COL26A1: variants seen among roughly 807,000 people sequenced by gnomAD.
The protein encoded by COL26A1 is collagen alpha-1(XXVI) chain.
A neutral mutation model predicts 59.3 loss-of-function variants in COL26A1; 41 were observed. The ratio of observed to expected loss-of-function variants is 0.69; its 90% CI spans 0.54 to 0.90. The LOEUF (loss-of-function observed/expected upper bound fraction) is 0.90, where lower values mean the gene tolerates loss of function less well. Ranked by LOEUF, COL26A1 falls within the 40% of genes least tolerant of loss-of-function variation. The probability of loss-of-function intolerance (pLI) is 0.00; values close to 1 mark genes in which losing one functional copy is unlikely to be tolerated. For synonymous variants in COL26A1, 266 were observed against 256.0 expected, an observed-to-expected ratio of 1.04 and a Z score of -0.37; for missense variants, 612 against 602.3, an observed-to-expected ratio of 1.02 and a Z score of -0.17.
intron 3 of COL26A1, among the ~76,000 whole-genome samples, chr7:101,476,912 C>T (rs1358506990): frequency 2.0e-5 from 3 of 150,702 alleles, no homozygotes; most frequent in Admixed American, 6.6e-5. Context: ...GGCACGATCT[C>T]GGCTCACTAC....
chr7:101,535,703 C>G (rs748443851), intron 4 of COL26A1, among the ~76,000 whole-genome samples: 1 of 152,244 alleles, frequency 6.6e-6, no homozygotes, highest in Non-Finnish European at 1.5e-5. Flanking sequence ...AAGATTCCCA[C>G]CCTTCCTCCA....
At chr7:101,540,896 C>T (rs970955919) in intron 5 of COL26A1, among the ~76,000 whole-genome samples, 32 of 152,244 alleles carry the variant, frequency 2.1e-4, no homozygotes, top group African/African-American at 7.2e-4. Context: ...AATCCCAGCA[C>T]TTTGGAAGGC....
At chr7:101,426,686 A>G (rs952435032) in intron 2 of COL26A1, among the ~76,000 whole-genome samples, 7 of 152,150 alleles carry the variant, frequency 4.6e-5, no homozygotes, top group Non-Finnish European at 8.8e-5. Flanking sequence ...GGCTGCCTCA[A>G]GAGGTTCTTG....
chr7:101,548,308 G>A (rs1795783946), intron 8 of COL26A1, among the ~76,000 whole-genome samples: 1 of 152,148 alleles, frequency 6.6e-6, no homozygotes, highest in Non-Finnish European at 1.5e-5. Flanking sequence ...GGCCCGTGTG[G>A]GGTCATGAGA....
At chr7:101,472,758 G>A (rs1558007) in intron 3 of COL26A1, among the ~76,000 whole-genome samples, 1 of 151,970 alleles carries the variant, frequency 6.6e-6, no homozygotes, top group African/African-American at 2.4e-5. Context: ...CATAAACACC[G>A]CAATCTGTGG....
At chr7:101,450,541 C>G (rs1409224800) in intron 3 of COL26A1, among the ~76,000 whole-genome samples, 1 of 151,960 alleles carries the variant, frequency 6.6e-6, no homozygotes. Flanking sequence ...CTGGACATTC[C>G]AAGGGCTTCC....
intron 1 of COL26A1, among the ~76,000 whole-genome samples, chr7:101,412,808 G>A (rs528458349): frequency 1.3e-5 from 2 of 152,234 alleles, no homozygotes; most frequent in African/African-American, 4.8e-5. Flanking sequence ...AACACCACTG[G>A]CTTGTCCTTG....
At position 101,557,370 on chromosome 7, in the gene COL26A1, A is replaced by T. The variant is rs373219036; in HGVS notation, c.1166A>T (p.Asp389Val). Reference protein sequence around the residue: ...LILEHMIGIHDPLASPEGGSG... With the variant: ...LILEHMIGIHVPLASPEGGSG... ...GTCCACCCTCCTGCTCTCCTTCCAGATCCCCTGGCCTCCCCAGAGGGAGGT... is the reference window on the plus strand; with the variant it reads ...GTCCACCCTCCTGCTCTCCTTCCAGTTCCCCTGGCCTCCCCAGAGGGAGGT... Residue 389 changes from aspartate to valine, a missense_variant and splice_region_variant, in exon 13 of 13, where the codon GAT becomes GTT. Coordinates refer to ENST00000313669, the MANE Select transcript of COL26A1 (RefSeq NM_001278563.3). 3.7e-6 allele frequency: 6 copies of T among 1,611,632 alleles called. No homozygotes were observed. The highest frequency in any genetic ancestry group is 1.7e-4 in the Middle Eastern group (1 of 6,048).
chr7:101,451,594 A>G (rs1161264578), intron 3 of COL26A1, among the ~76,000 whole-genome samples: 1 of 150,632 alleles, frequency 6.6e-6, no homozygotes, highest in African/African-American at 2.4e-5. Context: ...TATATAATTT[A>G]TATATGTATA....
intron 3 of COL26A1, among the ~76,000 whole-genome samples, chr7:101,510,942 C>G (rs1371152751): frequency 3.4e-5 from 5 of 146,430 alleles, no homozygotes; most frequent in Admixed American, 7.0e-5. Context: ...GCTCTGTCGC[C>G]CAGGCTGGAG....
chr7:101,525,712 G>A (rs533046707), intron 3 of COL26A1, among the ~76,000 whole-genome samples: 18 of 151,998 alleles, frequency 1.2e-4, no homozygotes, highest in Admixed American at 5.3e-4. Context: ...TAGCCAGGAT[G>A]GTCTCGATCT....
chr7:101,406,677 G>A (rs964242740), intron 1 of COL26A1, among the ~76,000 whole-genome samples: 2 of 152,196 alleles, frequency 1.3e-5, no homozygotes, highest in African/African-American at 4.8e-5. Context: ...TTGGCCGGGT[G>A]CAGTGGTGCA....
At chr7:101,477,527 GC>G (rs1486487504) in intron 3 of COL26A1, among the ~76,000 whole-genome samples, 1 of 152,184 alleles carries the variant, frequency 6.6e-6, no homozygotes, top group Non-Finnish European at 1.5e-5. Context: ...CCAGCTAGGA[GC>G]TGAGGGGGAG....
At chr7:101,532,250 A>G (rs1342019301) in intron 3 of COL26A1, among the ~76,000 whole-genome samples, 1 of 151,994 alleles carries the variant, frequency 6.6e-6, no homozygotes, top group Non-Finnish European at 1.5e-5. Flanking sequence ...AGTCCCTCCC[A>G]CTTCCATCCA....
intron 1 of COL26A1, among the ~76,000 whole-genome samples, chr7:101,396,545 C>G (rs1197019831): frequency 6.6e-6 from 1 of 152,066 alleles, no homozygotes; most frequent in Non-Finnish European, 1.5e-5. Flanking sequence ...TCACTGCAAC[C>G]TCTGCCTCCC....
At chr7:101,460,712 C>T (rs547299565) in intron 3 of COL26A1, among the ~76,000 whole-genome samples, 1 of 151,584 alleles carries the variant, frequency 6.6e-6, no homozygotes, top group Admixed American at 6.6e-5. Context: ...ACCCGGGAGG[C>T]GGAGGTTCCA....
At chr7:101,495,543 G>A (rs10255607) in intron 3 of COL26A1, among the ~76,000 whole-genome samples, 21,662 of 151,646 alleles carry the variant, frequency 0.14, 3,554 homozygotes, top group African/African-American at 0.4. Flanking sequence ...CGAGTAGCTA[G>A]GACTACAGGC....
chr7:101,544,719 G>A lies in COL26A1; in HGVS notation c.704-619G>A, dbSNP rs538371353. Among the ~76,000 whole-genome samples the A allele has an allele frequency of 4.6e-5, 7 of 151,670 alleles. No individual in the cohort carries two copies. The South Asian group carries it at 1.2e-3, about 27-fold the overall frequency. ...GGCTAATTTTTGTATTTTTAGTAGA[G>A]ACAGGGTTTCACCATGTTGGCCAGG... On this transcript the variant is annotated intron_variant, in intron 6 of 12. Transcript: ENST00000313669.
chr7:101,452,625 C>A (rs1288422817), intron 3 of COL26A1, among the ~76,000 whole-genome samples: 1 of 152,042 alleles, frequency 6.6e-6, no homozygotes, highest in Non-Finnish European at 1.5e-5. Context: ...GATGGTCTAG[C>A]CTATTGCTCT....
Sources: gnomAD v4.1 joint callset for allele counts (sites outside exome capture counted in the v4.1 genomes callset) on GRCh38, gnomAD v4.1.1 for gene constraint, MANE v1.5 for transcripts, NCBI Gene and HGNC (gene_info 2026-07-23, HGNC 2026-07-21) for gene names.